The following CYFIP1 variants were observed in gnomAD, a reference collection of about 807,000 sequenced individuals.
CYFIP1 encodes cytoplasmic FMR1 interacting protein 1, also known as cytoplasmic FMR1-interacting protein 1.
A neutral mutation model predicts 163.5 loss-of-function variants in CYFIP1; 58 were observed. The observed-to-expected ratio is 0.35, with a 90% CI of 0.29 to 0.44. The LOEUF (loss-of-function observed/expected upper bound fraction) is 0.44, where lower values mean the gene tolerates loss of function less well. CYFIP1 is among the 20% of genes least tolerant of loss of function. The pLI, the probability that CYFIP1 is intolerant of heterozygous loss-of-function variation, is 1.00. For missense variants in CYFIP1, 1,338 were observed against 1,653.8 expected, an observed-to-expected ratio of 0.81 and a Z score of 3.31; for synonymous variants, 663 against 660.7, an observed-to-expected ratio of 1.00 and a Z score of -0.05.
chr15:22,939,517 C>T lies in CYFIP1; in HGVS notation c.570-10G>A. ...TAAAAACTGAGCGGCCCTTTGAAAA[C>T]AAAAAGAATTCATCCCAAAATGCAC... On this transcript the variant is annotated splice_polypyrimidine_tract_variant and intron_variant, in intron 6 of 30. Transcript: ENST00000617928. 1.3e-6 allele frequency: 1 copy of T among 795,356 alleles called. No individual in the cohort carries two copies. Among genetic ancestry groups the T allele is most frequent in the Non-Finnish European group, 1.7e-6 (1 of 583,908 alleles). 49.3% of individuals were successfully genotyped at this position (795,356 alleles called of 1,614,324 possible). A position where few individuals can be genotyped will look rare whatever the true frequency, so the allele number is the denominator to read the frequency against.
chr15:22,980,326 G>A lies in CYFIP1; in HGVS notation c.-46C>T, dbSNP rs1268291413. The A allele has an allele frequency of 6.6e-6, 1 of 151,846 alleles. No individual in the cohort carries two copies. Among genetic ancestry groups the A allele is most frequent in the Admixed American group, 6.6e-5 (1 of 15,256 alleles). The allele number at this position is 151,846 out of a possible 1,614,324, so 9.4% of individuals were successfully genotyped here. On this transcript the variant is annotated 5_prime_UTR_variant, in exon 1 of 31. Transcript: ENST00000617928. The stretch of plus-strand genomic sequence containing the variant: ...GCTTGGGGGTCCTGGGCGGGCCCTG[G>A]GAGTTTCCTTGGCCGAGTGAGTCAC...
rs1252231859 is a variant in CYFIP1 at position 22,867,429 on chromosome 15, C to G, written c.*2599G>C. On this transcript the variant is annotated 3_prime_UTR_variant, in exon 31 of 31. Coordinates refer to ENST00000617928, the MANE Select transcript of CYFIP1 (RefSeq NM_014608.6). The stretch of plus-strand genomic sequence containing the variant: ...GAAATCACCCCAAGGAACGATTTCT[C>G]AGGTTGAGATGATCACCGTGAATCC... 1 of 368,204 alleles carries G rather than the reference C, an allele frequency of 2.7e-6. No homozygotes were observed. The highest frequency in any genetic ancestry group is 4.8e-6 in the Non-Finnish European group (1 of 208,290). The allele number at this position is 368,204 out of a possible 1,614,324, so 22.8% of individuals were successfully genotyped here.
intron 1 of CYFIP1, among the ~76,000 whole-genome samples, chr15:22,972,447 C>T (rs1348060378): frequency 2.0e-5 from 3 of 151,744 alleles, no homozygotes; most frequent in African/African-American, 7.3e-5. Context: ...AAAAACAAAA[C>T]AAAACAAAAA....
chr15:22,926,458 G>C (rs1393149832), intron 12 of CYFIP1, among the ~76,000 whole-genome samples: 2 of 152,120 alleles, frequency 1.3e-5, no homozygotes, highest in East Asian at 3.8e-4. Context: ...GATCACTTGA[G>C]CCCAAGAGTT....
chr15:22,882,013 A>C, intron 24 of CYFIP1, 77 bp from the exon 25 acceptor site: 1 of 1,299,762 alleles, frequency 7.7e-7, no homozygotes, highest in Non-Finnish European at 1.1e-6. Context: ...GCATACCCTG[A>C]AACAAGTCTG....
In CYFIP1 at chr15:22,881,852, A is replaced by G; in HGVS notation, c.2905T>C (p.Ser969Pro). Residue 969 changes from serine to proline, a missense_variant, in exon 25 of 31, where the codon TCT becomes CCT. Ser to Pro is a moderately conservative substitution (Grantham distance 74). Around this residue, in one of 4 missense-constraint regions of CYFIP1, gnomAD observed 824 missense variants for 995.7 expected, o/e 0.83. Transcript: ENST00000617928. ...TCCACACGCCCGCACTCACCAGGAGAGCCGTACTCGTGCCGGGGCAGGCGG... is the reference window on the plus strand; with the variant it reads ...TCCACACGCCCGCACTCACCAGGAGGGCCGTACTCGTGCCGGGGCAGGCGG... ...ICRLPRHEYG[S>P]PGILEFFHHQ... 6.2e-7 allele frequency: 1 copy of G among 1,610,650 alleles called. No individual in the cohort carries two copies. The highest frequency in any genetic ancestry group is 8.5e-7 in the Non-Finnish European group (1 of 1,179,880).
chr15:22,906,475 T>C (rs2060585215), intron 21 of CYFIP1, among the ~76,000 whole-genome samples: 1 of 147,742 alleles, frequency 6.8e-6, no homozygotes, highest in Non-Finnish European at 1.5e-5. Context: ...TTTTTTTTTT[T>C]TTTTTTTTGA....
chr15:22,957,598 T>A (rs545844524), intron 1 of CYFIP1, among the ~76,000 whole-genome samples: 2 of 152,250 alleles, frequency 1.3e-5, no homozygotes, highest in East Asian at 1.9e-4. Flanking sequence ...ATCGTGTCAC[T>A]GCACTCCAGC....
intron 25 of CYFIP1, 23 bp from the exon 26 acceptor site, chr15:22,880,066 G>A (rs2059709565): frequency 6.2e-7 from 1 of 1,613,044 alleles, no homozygotes; most frequent in East Asian, 2.2e-5. Flanking sequence ...GAGTGAGGTG[G>A]GGTTGGGGGA....
In CYFIP1 at chr15:22,869,891, AAAAT is replaced by A; in HGVS notation, c.*133_*136del. 1 of 724,428 alleles carries A rather than the reference AAAAT, an allele frequency of 1.4e-6. No homozygotes were observed. Among genetic ancestry groups the A allele is most frequent in the Non-Finnish European group, 2.0e-6 (1 of 511,306 alleles). 44.9% of individuals were successfully genotyped at this position (724,428 alleles called of 1,614,324 possible). ...GTCTAGAAAAATAAGTCAATTTTAT[AAAAT>A]TAAGTTTTTAGATCGAAAAGCACCC... On this transcript the variant is annotated 3_prime_UTR_variant, in exon 31 of 31. Coordinates refer to ENST00000617928, the MANE Select transcript of CYFIP1 (RefSeq NM_014608.6).
chr15:22,914,917 G>A (rs55859252), intron 16 of CYFIP1, 35 bp from the exon 17 acceptor site: 235,497 of 1,567,324 alleles, frequency 0.15, 18,616 homozygotes, highest in East Asian at 0.25. Flanking sequence ...GTTATCTCCC[G>A]CAAGCAAAAA....
intron 26 of CYFIP1, among the ~76,000 whole-genome samples, chr15:22,877,722 G>C (rs2059626466): frequency 6.6e-6 from 1 of 152,144 alleles, no homozygotes; most frequent in Non-Finnish European, 1.5e-5. Context: ...ATGCTACTTG[G>C]GGTCCCCACC....
intron 23 of CYFIP1, among the ~76,000 whole-genome samples, chr15:22,892,683 A>G (rs17137188): frequency 0.032 from 4,840 of 152,278 alleles, 219 homozygotes; most frequent in African/African-American, 0.096. Context: ...CTAGTTCTAG[A>G]TAAGCACTGT....
intron 22 of CYFIP1, among the ~76,000 whole-genome samples, chr15:22,894,198 C>T (rs1444387623): frequency 6.7e-6 from 1 of 148,580 alleles, no homozygotes; most frequent in Non-Finnish European, 1.5e-5. Flanking sequence ...GAGAAGACAA[C>T]AAATGGAAAA....
intron 1 of CYFIP1, among the ~76,000 whole-genome samples, chr15:22,977,860 T>TAAAAG (rs1207942090): frequency 6.6e-6 from 1 of 151,304 alleles, no homozygotes; most frequent in African/African-American, 2.4e-5. Context: ...TAACATAACA[T>TAAAAG]AAAAGAAAAG....
chr15:22,976,808 G>A (rs1595746658), intron 1 of CYFIP1, among the ~76,000 whole-genome samples: 3 of 152,300 alleles, frequency 2.0e-5, no homozygotes, highest in Admixed American at 2.0e-4. Flanking sequence ...ATCGTCCATG[G>A]ATAACAAGGA....
intron 13 of CYFIP1, among the ~76,000 whole-genome samples, chr15:22,924,522 C>T (rs2142159570): frequency 6.6e-6 from 1 of 152,142 alleles, no homozygotes; most frequent in East Asian, 1.9e-4. Context: ...TATGAAATGC[C>T]CAGAGCAGGC....
intron 26 of CYFIP1, among the ~76,000 whole-genome samples, chr15:22,877,766 G>A (rs1299570760): frequency 6.6e-6 from 1 of 152,174 alleles, no homozygotes; most frequent in East Asian, 1.9e-4. Context: ...TGAAGGCCTG[G>A]GGCTGCTGCA....
intron 24 of CYFIP1, 102 bp from the exon 25 acceptor site, chr15:22,882,038 G>A (rs2304341): frequency 0.018 from 17,455 of 963,800 alleles, 254 homozygotes; most frequent in Non-Finnish European, 0.022. Context: ...CAAAGAGCTC[G>A]GTAACCAGCA....
Sources: gnomAD v4.1 joint callset for allele counts (sites outside exome capture counted in the v4.1 genomes callset) on GRCh38, gnomAD v4.1.1 for gene constraint, gnomAD v4.1.1 regional missense constraint, MANE v1.5 for transcripts, NCBI Gene and HGNC (gene_info 2026-07-23, HGNC 2026-07-21) for gene names.